The following TGFA variants were observed in gnomAD, a reference collection of about 807,000 sequenced individuals.
TGFA encodes the protein protransforming growth factor alpha.
TGFA carries 12 observed loss-of-function variants against 21.7 expected under a neutral mutation model. The observed-to-expected ratio is 0.55, with a 90% CI of 0.35 to 0.90. The LOEUF (loss-of-function observed/expected upper bound fraction) is 0.90. Ranked by LOEUF, TGFA falls within the 40% of genes least tolerant of loss-of-function variation. TGFA has a pLI of 0.01. For missense variants in TGFA, 178 were observed against 210.8 expected, an observed-to-expected ratio of 0.84 and a Z score of 0.96; for synonymous variants, 79 against 88.1, an observed-to-expected ratio of 0.90 and a Z score of 0.58.
intron 1 of TGFA, among the ~76,000 whole-genome samples, chr2:70,529,587 A>AT (rs1672749620): frequency 8.6e-6 from 1 of 116,514 alleles, no homozygotes; most frequent in Non-Finnish European, 1.9e-5. Flanking sequence ...TGAGGAGTGA[A>AT]TCCCCCCGCC....
At chr2:70,498,923 T>C (rs895600916) in intron 2 of TGFA, among the ~76,000 whole-genome samples, 2 of 152,096 alleles carry the variant, frequency 1.3e-5, no homozygotes, top group African/African-American at 2.4e-5. Flanking sequence ...TACTAGAATC[T>C]CTGGGGGAGG....
At chr2:70,490,187 T>C (rs1193550763) in intron 2 of TGFA, among the ~76,000 whole-genome samples, 2 of 152,216 alleles carry the variant, frequency 1.3e-5, no homozygotes, top group Non-Finnish European at 2.9e-5. Flanking sequence ...TATAAACAAC[T>C]GTAGCAAAAT....
intron 3 of TGFA, among the ~76,000 whole-genome samples, chr2:70,456,880 G>A (rs1241459566): frequency 6.6e-6 from 1 of 152,222 alleles, no homozygotes; most frequent in African/African-American, 2.4e-5. Context: ...ACTTTCTGGT[G>A]ATGAGAAAGA....
chr2:70,506,282 G>T (rs571099903), intron 2 of TGFA, among the ~76,000 whole-genome samples: 1 of 152,198 alleles, frequency 6.6e-6, no homozygotes, highest in Non-Finnish European at 1.5e-5. Flanking sequence ...AGCACTGTCC[G>T]GCCGAGGTAA....
chr2:70,470,137 G>A (rs1457560371), intron 2 of TGFA, among the ~76,000 whole-genome samples: 1 of 151,912 alleles, frequency 6.6e-6, no homozygotes, highest in Non-Finnish European at 1.5e-5. Flanking sequence ...GAGACGGGGT[G>A]GGGTTATGAG....
chr2:70,532,384 T>C (rs781890227), intron 1 of TGFA, among the ~76,000 whole-genome samples: 1 of 152,234 alleles, frequency 6.6e-6, no homozygotes, highest in Non-Finnish European at 1.5e-5. Context: ...GCCATTCATC[T>C]ACTTTTGCTC....
intron 2 of TGFA, among the ~76,000 whole-genome samples, chr2:70,504,737 G>C (rs947144743): frequency 6.6e-6 from 1 of 151,940 alleles, no homozygotes; most frequent in Non-Finnish European, 1.5e-5. Context: ...GGAAGGGGAA[G>C]AAAAAGAGTC....
chr2:70,484,861 T>A (rs1367329603), intron 2 of TGFA, among the ~76,000 whole-genome samples: 1 of 152,182 alleles, frequency 6.6e-6, no homozygotes, highest in African/African-American at 2.4e-5. Flanking sequence ...TCAAGTTAGT[T>A]GGAATTGATT....
chr2:70,494,068 T>C (rs529618807), intron 2 of TGFA, among the ~76,000 whole-genome samples: 45 of 152,320 alleles, frequency 3.0e-4, no homozygotes, highest in African/African-American at 1.0e-3. Flanking sequence ...CCTCTGGAGA[T>C]TGTAGGGGAG....
At chr2:70,523,052 T>C (rs782157489) in intron 1 of TGFA, among the ~76,000 whole-genome samples, 14 of 152,304 alleles carry the variant, frequency 9.2e-5, no homozygotes, top group Admixed American at 2.0e-4. Flanking sequence ...CACTACAATA[T>C]TGAAAAATCC....
intron 2 of TGFA, among the ~76,000 whole-genome samples, chr2:70,471,651 G>T (rs1443973225): frequency 1.3e-5 from 2 of 152,208 alleles, no homozygotes; most frequent in African/African-American, 4.8e-5. Flanking sequence ...TTTGGTGAAG[G>T]TAGGGGAGGG....
intron 1 of TGFA, among the ~76,000 whole-genome samples, chr2:70,547,163 T>A (rs72912115): frequency 0.11 from 17,478 of 152,232 alleles, 1,089 homozygotes; most frequent in Middle Eastern, 0.19. Context: ...CCCACAACAA[T>A]GTGTGGATTA....
chr2:70,544,330 T>C (rs1033828372), intron 1 of TGFA, among the ~76,000 whole-genome samples: 5 of 151,558 alleles, frequency 3.3e-5, no homozygotes. Flanking sequence ...AAGATTAAAA[T>C]AAGATATTTA....
Position 70,491,614 on chromosome 2 carries a change from C to G in TGFA, c.94+23245G>C, listed in dbSNP as rs912554461. Among the ~76,000 whole-genome samples the G allele has an allele frequency of 2.0e-5, 3 of 152,150 alleles. No individual in the cohort carries two copies. The East Asian group carries it at 5.8e-4, about 29-fold the overall frequency. On this transcript the variant is annotated intron_variant, in intron 2 of 5. Transcript: ENST00000295400. ...GTACAATGTCAAGTCTCCCTCTTAC[C>G]CTGTTCCCAGCCAGCCATGCCCCTT...
At chr2:70,514,560 A>G (rs1672208778) in intron 2 of TGFA, among the ~76,000 whole-genome samples, 1 of 152,000 alleles carries the variant, frequency 6.6e-6, no homozygotes, top group Non-Finnish European at 1.5e-5. Flanking sequence ...GCTGGCCCCA[A>G]GCTCTGGGGT....
chr2:70,447,629 C>T lies in TGFA; in HGVS notation c.*3230G>A, dbSNP rs574099936. On this transcript the variant is annotated 3_prime_UTR_variant, in exon 6 of 6. Transcript: ENST00000295400. The stretch of plus-strand genomic sequence containing the variant: ...TTATTAAGACTAAGAAGAGGAGTTG[C>T]TTTTTCAGTACTCTCTCTCTCTCTG... The T allele has an allele frequency of 1.7e-4, 26 of 152,536 alleles. No homozygotes were observed. The East Asian group carries it at 1.9e-3, about 11-fold the overall frequency. The allele number at this position is 152,536 out of a possible 1,614,324, so 9.4% of individuals were successfully genotyped here. A position where few individuals can be genotyped will look rare whatever the true frequency, so the allele number is the denominator to read the frequency against.
intron 2 of TGFA, among the ~76,000 whole-genome samples, chr2:70,476,205 T>G (rs1387377880): frequency 6.6e-6 from 1 of 150,444 alleles, no homozygotes; most frequent in African/African-American, 2.4e-5. Context: ...AAGAGACAAA[T>G]CATTTCCTTC....
At chr2:70,545,565 G>A (rs1673277362) in intron 1 of TGFA, among the ~76,000 whole-genome samples, 2 of 152,012 alleles carry the variant, frequency 1.3e-5, no homozygotes, top group African/African-American at 4.8e-5. Context: ...TTCAAAAAAT[G>A]AAAATGAGTT....
chr2:70,547,359 C>T (rs1013073850), intron 1 of TGFA, among the ~76,000 whole-genome samples: 4 of 151,942 alleles, frequency 2.6e-5, no homozygotes, highest in Middle Eastern at 3.4e-3. Context: ...TTTGGGAGGC[C>T]GAGGCGGGCA....
Sources: allele counts gnomAD v4.1 joint callset (sites outside exome capture counted in the v4.1 genomes callset), GRCh38; gene constraint gnomAD v4.1.1; transcripts MANE v1.5; gene names NCBI Gene and HGNC (gene_info 2026-07-23, HGNC 2026-07-21).